GDF6: variants seen among roughly 807,000 people sequenced by gnomAD.
The protein encoded by GDF6 is growth/differentiation factor 6.
Under a neutral mutation model 32.4 loss-of-function variants are expected in GDF6, and 3 were observed. That is an observed-to-expected ratio of 0.09 (90% CI 0.04 to 0.24). GDF6 has a LOEUF of 0.24. GDF6 is among the 10% of genes least tolerant of loss of function. GDF6 has a pLI of 1.00. For synonymous variants in GDF6, 296 were observed against 295.3 expected (o/e 1.00, Z -0.03); for missense variants, 589 against 637.9 (o/e 0.92, Z 0.83).
chr8:96,143,984 A>G lies in GDF6; in HGVS notation c.*579T>C, dbSNP rs1022786092. 6.3e-6 allele frequency: 1 copy of G among 159,916 alleles called. No homozygotes were observed. The highest frequency in any genetic ancestry group is 1.4e-5 in the Non-Finnish European group (1 of 72,120). The allele number at this position is 159,916 out of a possible 1,614,324, so 9.9% of individuals were successfully genotyped here. A position where few individuals can be genotyped will look rare whatever the true frequency, so the allele number is the denominator to read the frequency against. The stretch of plus-strand genomic sequence containing the variant: ...CCTGACTTAACTATTCTTTTTGCCA[A>G]TTTCCCTATCTAACACTTTCTGTGT... On this transcript the variant is annotated 3_prime_UTR_variant, in exon 2 of 2. Coordinates refer to ENST00000287020, the MANE Select transcript of GDF6 (RefSeq NM_001001557.4).
intron 1 of GDF6, among the ~76,000 whole-genome samples, chr8:96,159,474 C>T (rs753241182): frequency 1.3e-5 from 2 of 152,166 alleles, no homozygotes; most frequent in Non-Finnish European, 2.9e-5. Context: ...TTTCCCAGAC[C>T]CCCACCAGCC....
chr8:96,142,585 C>T lies in GDF6; in HGVS notation c.*1978G>A, dbSNP rs112542818. The T allele has an allele frequency of 4.2e-3, 642 of 152,628 alleles. 2 individuals are homozygous for T. Among genetic ancestry groups the T allele is most frequent in the Middle Eastern group, 0.017 (5 of 294 alleles). 9.5% of individuals were successfully genotyped at this position (152,628 alleles called of 1,614,324 possible). On this transcript the variant is annotated 3_prime_UTR_variant, in exon 2 of 2. Transcript: ENST00000287020. The stretch of plus-strand genomic sequence containing the variant: ...GATTAATGCTTAACTTTGTACAACT[C>T]GAATATAAACTTTAAAAATATTAGA...
intron 1 of GDF6, among the ~76,000 whole-genome samples, chr8:96,155,284 T>C (rs1275981192): frequency 2.0e-5 from 3 of 152,276 alleles, no homozygotes; most frequent in South Asian, 4.1e-4. Context: ...CTGTAGAGCA[T>C]ACTAGGTGGT....
Position 96,144,394 on chromosome 8 carries a change from G to A in GDF6, c.*169C>T. On this transcript the variant is annotated 3_prime_UTR_variant, in exon 2 of 2. Coordinates refer to ENST00000287020, the MANE Select transcript of GDF6 (RefSeq NM_001001557.4). This position sits in a 1 kb window ranked among gnomAD's most constrained non-coding sequence, Gnocchi z 5.1. ...TGGGCTGGCAGGTAGAAGTTACTGG[G>A]AAGGCTGCGCTCCCTTCTCTCCCAC... is the stretch of plus-strand genomic sequence containing the variant. 2.7e-6 allele frequency: 2 copies of A among 733,002 alleles called. No homozygotes were observed. Among genetic ancestry groups the A allele is most frequent in the East Asian group, 2.7e-5 (1 of 36,838 alleles). 45.4% of individuals were successfully genotyped at this position (733,002 alleles called of 1,614,324 possible). A position where few individuals can be genotyped will look rare whatever the true frequency, so the allele number is the denominator to read the frequency against.
At chr8:96,160,222 G>T in intron 1 of GDF6, 65 bp downstream of exon 1, 1 of 1,518,534 alleles carries the variant, frequency 6.6e-7, no homozygotes, top group African/African-American at 1.4e-5. Flanking sequence ...AGCCTCCAGC[G>T]GGAACAGCTC....
At position 96,146,624 on chromosome 8, in the gene GDF6, A is replaced by G. The variant is rs180860540; in HGVS notation, c.407-1100T>C. Among the ~76,000 whole-genome samples, 816 of 152,176 alleles carry G rather than the reference A, an allele frequency of 5.4e-3. 5 individuals are homozygous for G. Among genetic ancestry groups the G allele is most frequent in the African/African-American group, 0.018 (758 of 41,494 alleles). ...ACATCCTGCAGTCAATGAGAAAAAT[A>G]TATACCTGGAAGGCAGAAAACTGGA... On this transcript the variant is annotated intron_variant, in intron 1 of 1. Coordinates refer to ENST00000287020, the MANE Select transcript of GDF6 (RefSeq NM_001001557.4).
intron 1 of GDF6, among the ~76,000 whole-genome samples, chr8:96,153,561 C>T (rs997609091): frequency 4.6e-5 from 7 of 152,192 alleles, no homozygotes; most frequent in African/African-American, 1.7e-4. Context: ...ACCCGGGAGC[C>T]CAGGGGAGCA....
intron 1 of GDF6, among the ~76,000 whole-genome samples, chr8:96,154,075 C>T (rs529874797): frequency 6.6e-6 from 1 of 152,260 alleles, no homozygotes; most frequent in Admixed American, 6.5e-5. Flanking sequence ...CACCGATTCT[C>T]CTGGGCTCCT....
rs1458865092 is a variant in GDF6, at chr8:96,144,270, G to C, written c.*293C>G. ...AGAGAGAGAGAGAGAGAGAGAGAGAGAGAGAGAGAGAGAGAGAGAGAAAAC... is the reference window on the plus strand; with the variant it reads ...AGAGAGAGAGAGAGAGAGAGAGAGACAGAGAGAGAGAGAGAGAGAGAAAAC... On this transcript the variant is annotated 3_prime_UTR_variant, in exon 2 of 2. Coordinates refer to ENST00000287020, the MANE Select transcript of GDF6 (RefSeq NM_001001557.4). This position sits in a 1 kb window ranked among gnomAD's most constrained non-coding sequence, Gnocchi z 5.1. The C allele has an allele frequency of 2.2e-6, 1 of 456,000 alleles. No individual in the cohort carries two copies. The highest frequency in any genetic ancestry group is 2.2e-5 in the African/African-American group (1 of 45,378). 28.2% of individuals were successfully genotyped at this position (456,000 alleles called of 1,614,324 possible).
At chr8:96,154,850 A>G (rs1812632300) in intron 1 of GDF6, among the ~76,000 whole-genome samples, 1 of 152,158 alleles carries the variant, frequency 6.6e-6, no homozygotes, top group African/African-American at 2.4e-5. Flanking sequence ...CGCCCCAGAA[A>G]GACGTCACCA....
At position 96,160,524 on chromosome 8, in the gene GDF6, C is replaced by G. The variant is rs397514725; in HGVS notation, c.169G>C (p.Asp57His). 8.4e-5 allele frequency: 136 copies of G among 1,613,222 alleles called. No individual in the cohort carries two copies. Among genetic ancestry groups the G allele is most frequent in the Non-Finnish European group, 1.1e-4 (134 of 1,179,672 alleles). The change falls in exon 1 of 2, where the codon GAC becomes CAC. Residue 57 changes from aspartate to histidine, a missense_variant. Physicochemically the swap from Asp to His is moderately conservative, Grantham distance 81. Around this residue, in one of 2 missense-constraint regions of GDF6, gnomAD observed 436 missense variants for 411.2 expected, o/e 1.06. Coordinates refer to ENST00000287020, the MANE Select transcript of GDF6 (RefSeq NM_001001557.4). ...TGGCCCTCCCGGCCCGCGTCACTGT[C>G]GCGCGGCGCCCGCTGCATCTTGCCT... ...KEGKMQRAPRDSDAGREGQEP... is the reference protein window; with the variant it reads ...KEGKMQRAPRHSDAGREGQEP...
chr8:96,159,767 A>T (rs1353563560), intron 1 of GDF6, among the ~76,000 whole-genome samples: 4 of 152,190 alleles, frequency 2.6e-5, no homozygotes, highest in African/African-American at 9.6e-5. Context: ...CGGCGCCAGG[A>T]CCAGGGGGCT....
chr8:96,148,317 A>G (rs906600608), intron 1 of GDF6, among the ~76,000 whole-genome samples: 3 of 152,204 alleles, frequency 2.0e-5, no homozygotes, highest in African/African-American at 7.2e-5. Context: ...CAGTGGTTCG[A>G]TCTACCTTTG....
Position 96,144,285 on chromosome 8 carries a change from A to AGAGAGAGAGAGAGG in GDF6, c.*277_*278insCCTCTCTCTCTCTC, listed in dbSNP as rs1563507972. The AGAGAGAGAGAGAGG allele has an allele frequency of 3.2e-5, 16 of 495,426 alleles. No individual in the cohort carries two copies. The highest frequency in any genetic ancestry group is 2.9e-4 in the African/African-American group (13 of 45,480). 30.7% of individuals were successfully genotyped at this position (495,426 alleles called of 1,614,324 possible). ...GAGAGAGAGAGAGAGAGAGAGAGAG[A>AGAGAGAGAGAGAGG]GAGAGAAAACAGAACAAAAGAAATC... On this transcript the variant is annotated 3_prime_UTR_variant, in exon 2 of 2. Coordinates refer to ENST00000287020, the MANE Select transcript of GDF6 (RefSeq NM_001001557.4). The surrounding 1 kb of genome is among the most constrained non-coding windows in gnomAD (Gnocchi z 5.1).
intron 1 of GDF6, among the ~76,000 whole-genome samples, chr8:96,148,995 C>T (rs928130084): frequency 2.0e-5 from 3 of 152,306 alleles, no homozygotes; most frequent in Middle Eastern, 6.8e-3. Flanking sequence ...GCACTGTTAC[C>T]CTGAAGACAC....
At chr8:96,148,009 A>G (rs1812511897) in intron 1 of GDF6, among the ~76,000 whole-genome samples, 1 of 152,214 alleles carries the variant, frequency 6.6e-6, no homozygotes. Context: ...TTTAAAAAAA[A>G]TGTGTGGGCT....
rs1812479185 is a variant in GDF6 at position 96,145,986 on chromosome 8, T to C, written c.407-462A>G. Among the ~76,000 whole-genome samples the C allele has an allele frequency of 6.6e-6, 1 of 152,330 alleles. No homozygotes were observed. Among genetic ancestry groups the C allele is most frequent in the Middle Eastern group, 3.4e-3 (1 of 294 alleles). On this transcript the variant is annotated intron_variant, in intron 1 of 1. Coordinates refer to ENST00000287020, the MANE Select transcript of GDF6 (RefSeq NM_001001557.4). This position sits in a 1 kb window ranked among gnomAD's most constrained non-coding sequence, Gnocchi z 5.6. ...CTAAGGTAGCCTCTCCAGGTCTCTATCACAGGACTGGCTTGATTATCTTCC... is the reference window on the plus strand; with the variant it reads ...CTAAGGTAGCCTCTCCAGGTCTCTACCACAGGACTGGCTTGATTATCTTCC...
chr8:96,145,108 G>A lies in GDF6; in HGVS notation c.823C>T (p.Arg275Trp). The change falls in exon 2 of 2, where the codon CGG (arginine) becomes TGG (tryptophan). Residue 275 changes from arginine to tryptophan, a missense_variant. Around this residue, in one of 2 missense-constraint regions of GDF6, gnomAD observed 436 missense variants for 411.2 expected, o/e 1.06. Transcript: ENST00000287020. This position sits in a 1 kb window ranked among gnomAD's most constrained non-coding sequence, Gnocchi z 5.6. ...CTGGTGAATACCACCAGCAGGGCCCGCTCCTGGGGAGGCCGCACCCTCCGG... is the reference window on the plus strand; with the variant it reads ...CTGGTGAATACCACCAGCAGGGCCCACTCCTGGGGAGGCCGCACCCTCCGG... ...FGRRVRPPQE[R>W]ALLVVFTRSQ... The A allele has an allele frequency of 6.6e-7, 1 of 1,516,528 alleles. No individual in the cohort carries two copies. The highest frequency in any genetic ancestry group is 8.8e-7 in the Non-Finnish European group (1 of 1,141,166). The allele number at this position is 1,516,528 out of a possible 1,614,324, so 93.9% of individuals were successfully genotyped here. A position where few individuals can be genotyped will look rare whatever the true frequency, so the allele number is the denominator to read the frequency against.
intron 1 of GDF6, among the ~76,000 whole-genome samples, chr8:96,154,606 C>A (rs893313640): frequency 6.6e-6 from 1 of 152,150 alleles, no homozygotes; most frequent in Non-Finnish European, 1.5e-5. Context: ...TCGATTCAGT[C>A]CCCTGGTCCA....
Sources: gnomAD v4.1 joint callset for allele counts (sites outside exome capture counted in the v4.1 genomes callset) on GRCh38, gnomAD v4.1.1 for gene constraint, gnomAD v4.1.1 regional missense constraint, Gnocchi (gnomAD v3.1) non-coding constraint, MANE v1.5 for transcripts, NCBI Gene and HGNC (gene_info 2026-07-23, HGNC 2026-07-21) for gene names.